PGBD2: variants seen among roughly 807,000 people sequenced by gnomAD.
The protein encoded by PGBD2 is piggyBac transposable element derived 2.
In PGBD2, 6 loss-of-function variants were observed where a neutral mutation model predicts 8.1. That is an observed-to-expected ratio of 0.74 (90% CI 0.40 to 1.46). The LOEUF (loss-of-function observed/expected upper bound fraction) is 1.46, where lower values mean the gene tolerates loss of function less well. Among genes scored for constraint, PGBD2 ranks in the 40% most tolerant of loss-of-function variants. The pLI, the probability that PGBD2 is intolerant of heterozygous loss-of-function variation, is 0.02. For synonymous variants in PGBD2, 318 were observed against 272.2 expected, an observed-to-expected ratio of 1.17 and a Z score of -1.66; for missense variants, 802 against 739.0, an observed-to-expected ratio of 1.09 and a Z score of -0.99.
At chr1:248,886,261 C>T in the PGBD2 span, among the ~76,000 whole-genome samples, 1 of 152,112 alleles carries the variant, frequency 6.6e-6, no homozygotes, top group Non-Finnish European at 1.5e-5. Flanking sequence ...TATGAGTTAT[C>T]AATATCACCA....
At chr1:248,906,996 A>C (rs1661667451) in intron 1 of PGBD2, among the ~76,000 whole-genome samples, 1 of 152,262 alleles carries the variant, frequency 6.6e-6, no homozygotes, top group Non-Finnish European at 1.5e-5. Flanking sequence ...TAAGACACAG[A>C]GACAAAGTAT....
Position 248,914,511 on chromosome 1 carries a change from G to A in PGBD2, c.17+632G>A, listed in dbSNP as rs867526466. On this transcript the variant is annotated intron_variant, in intron 2 of 2. Transcript: ENST00000329291. ...CTGACAGTCAGTCTCCAGGAAGTGA[G>A]GTTGGAGTGAATTTCTAATGCAGCC... The A allele has an allele frequency of 4.7e-6, 6 of 1,289,102 alleles. No individual in the cohort carries two copies. In the Middle Eastern group the frequency reaches 6.4e-4, roughly 137 times the overall value. 79.9% of individuals were successfully genotyped at this position (1,289,102 alleles called of 1,614,324 possible).
intron 2 of PGBD2, chr1:248,914,458 C>T (rs1041442992): frequency 1.6e-6 from 2 of 1,284,882 alleles, no homozygotes; most frequent in African/African-American, 1.5e-5. Context: ...GAGTGAATAC[C>T]TCACCTCCCT....
rs1347155824 is a variant in PGBD2 at position 248,916,799 on chromosome 1, G to A, written c.215G>A (p.Gly72Asp). ...EDSQRGAHLP[G>D]SVLHASVLCE... is the part of the protein sequence containing the mutation. ...AGCCAGCGAGGTGCTCACCTACCTG[G>A]CAGTGTGCTGCATGCTTCAGTCCTG... Residue 72 changes from glycine to aspartate, a missense_variant, in exon 3 of 3, where the codon GGC becomes GAC. Gly to Asp is a moderately conservative substitution (Grantham distance 94). Coordinates refer to ENST00000329291, the MANE Select transcript of PGBD2 (RefSeq NM_170725.3). 2 of 1,614,166 alleles carry A rather than the reference G, an allele frequency of 1.2e-6. No homozygotes were observed. The highest frequency in any genetic ancestry group is 1.7e-5 in the Admixed American group (1 of 60,024).
At chr1:248,920,020 G>T (rs182393948), downstream of PGBD2, 2 of 152,172 alleles carry the variant, frequency 1.3e-5, no homozygotes, top group Non-Finnish European at 2.9e-5. Flanking sequence ...GGGATTACAG[G>T]CACCCACCAC....
At chr1:248,881,667 A>G in the PGBD2 span, among the ~76,000 whole-genome samples, 2 of 152,228 alleles carry the variant, frequency 1.3e-5, no homozygotes, top group Non-Finnish European at 2.9e-5. Context: ...TCAATAGTTA[A>G]TCTATAGCTC....
chr1:248,910,895 G>A (rs1661847902), intron 1 of PGBD2, among the ~76,000 whole-genome samples: 2 of 151,914 alleles, frequency 1.3e-5, no homozygotes, highest in Admixed American at 6.6e-5. Context: ...AACAAACTGC[G>A]TATATTCGAA....
the PGBD2 span, among the ~76,000 whole-genome samples, chr1:248,885,460 T>C: frequency 6.6e-6 from 1 of 152,070 alleles, no homozygotes; most frequent in African/African-American, 2.4e-5. Flanking sequence ...ATTTTTAGTT[T>C]ACATTTGTTA....
At chr1:248,921,877 A>T (rs1276339948), downstream of PGBD2, among the ~76,000 whole-genome samples, 5 of 152,002 alleles carry the variant, frequency 3.3e-5, no homozygotes, top group African/African-American at 1.2e-4. Flanking sequence ...ATTCCCAGGT[A>T]TTTTATTCTG....
At chr1:248,928,175 T>A in the PGBD2 span, among the ~76,000 whole-genome samples, 2 of 152,312 alleles carry the variant, frequency 1.3e-5, no homozygotes, top group South Asian at 4.1e-4. Flanking sequence ...TTTTAAAAAA[T>A]TATATCAACC....
chr1:248,903,663 C>A (rs1336331935), upstream of PGBD2, among the ~76,000 whole-genome samples: 6 of 152,198 alleles, frequency 3.9e-5, no homozygotes, highest in Admixed American at 3.9e-4. Context: ...CTTGGGAGTT[C>A]TAGCCTGAAA....
chr1:248,898,364 G>A, the PGBD2 span, among the ~76,000 whole-genome samples: 1 of 152,174 alleles, frequency 6.6e-6, no homozygotes, highest in Non-Finnish European at 1.5e-5. Context: ...GAAGGAGCAG[G>A]CTGCCACCTT....
At chr1:248,880,813 A>G in the PGBD2 span, among the ~76,000 whole-genome samples, 2 of 152,162 alleles carry the variant, frequency 1.3e-5, no homozygotes, top group Non-Finnish European at 2.9e-5. Context: ...TCGGACTCCT[A>G]AAAATTTGCA....
At chr1:248,892,866 T>G in the PGBD2 span, among the ~76,000 whole-genome samples, 1 of 152,224 alleles carries the variant, frequency 6.6e-6, no homozygotes, top group Admixed American at 6.5e-5. Flanking sequence ...CATATCTATT[T>G]GACTCACCTC....
intron 1 of PGBD2, among the ~76,000 whole-genome samples, chr1:248,908,077 T>TC (rs1201715309): frequency 6.6e-6 from 1 of 152,196 alleles, no homozygotes; most frequent in Non-Finnish European, 1.5e-5. Context: ...TACAAAACAG[T>TC]CAACAAAACC....
chr1:248,881,609 G>A, the PGBD2 span, among the ~76,000 whole-genome samples: 1 of 152,108 alleles, frequency 6.6e-6, no homozygotes, highest in African/African-American at 2.4e-5. Context: ...TTCTACATCT[G>A]GTAATGCTCT....
At chr1:248,907,774 T>C (rs765663139) in intron 1 of PGBD2, among the ~76,000 whole-genome samples, 12 of 152,212 alleles carry the variant, frequency 7.9e-5, no homozygotes, top group South Asian at 2.1e-4. Context: ...AGCAAAGAGG[T>C]TGGGGCAAAG....
downstream of PGBD2, among the ~76,000 whole-genome samples, chr1:248,920,880 T>A (rs1284544372): frequency 6.6e-6 from 1 of 152,244 alleles, no homozygotes; most frequent in Non-Finnish European, 1.5e-5. Context: ...TGATTTGCAT[T>A]TATCTAATGA....
At chr1:248,882,816 C>A in the PGBD2 span, among the ~76,000 whole-genome samples, 1 of 152,172 alleles carries the variant, frequency 6.6e-6, no homozygotes, top group Non-Finnish European at 1.5e-5. Flanking sequence ...TTCTGGCAGT[C>A]CAACCTGGCA....
Sources: gnomAD v4.1 joint callset for allele counts (sites outside exome capture counted in the v4.1 genomes callset) on GRCh38, gnomAD v4.1.1 for gene constraint, MANE v1.5 for transcripts, NCBI Gene and HGNC (gene_info 2026-07-23, HGNC 2026-07-21) for gene names.